Variants in PARD3 observed in about 807,000 individuals in gnomAD.
The protein encoded by PARD3 is partitioning defective 3 homolog.
Under a neutral mutation model 155.4 loss-of-function variants are expected in PARD3, and 75 were observed. The ratio of observed to expected loss-of-function variants is 0.48; its 90% CI spans 0.40 to 0.58. PARD3 has a LOEUF of 0.58. Ranked by LOEUF, PARD3 falls within the 20% of genes least tolerant of loss-of-function variation. The pLI is 0.00. For missense variants in PARD3, 1,642 were observed against 1,721.7 expected (o/e 0.95, Z 0.82); for synonymous variants, 576 against 610.5 (o/e 0.94, Z 0.83).
chr10:34,216,902 C>A (rs1952027556), intron 22 of PARD3, among the ~76,000 whole-genome samples: 1 of 152,204 alleles, frequency 6.6e-6, no homozygotes, highest in South Asian at 2.1e-4. Context: ...TTAGCAAATG[C>A]CATCTTTAAA....
intron 22 of PARD3, among the ~76,000 whole-genome samples, chr10:34,133,596 A>G (rs1211547153): frequency 6.6e-6 from 1 of 152,146 alleles, no homozygotes; most frequent in East Asian, 1.9e-4. Context: ...TGCCCTGGTT[A>G]CTCAGTGTGT....
chr10:34,239,337 C>G (rs1028327667), intron 22 of PARD3, among the ~76,000 whole-genome samples: 13 of 152,174 alleles, frequency 8.5e-5, no homozygotes, highest in Non-Finnish European at 1.3e-4. Flanking sequence ...TCTGAAACAG[C>G]CTGGTGGACA....
At chr10:34,522,705 ATATGG>A (rs2133706229) in intron 2 of PARD3, among the ~76,000 whole-genome samples, 1 of 152,322 alleles carries the variant, frequency 6.6e-6, no homozygotes, top group South Asian at 2.1e-4. Flanking sequence ...TTCAACATAG[ATATGG>A]CACAAAATGA....
At chr10:34,441,066 A>C (rs2076436985) in intron 5 of PARD3, among the ~76,000 whole-genome samples, 1 of 152,224 alleles carries the variant, frequency 6.6e-6, no homozygotes, top group Non-Finnish European at 1.5e-5. Flanking sequence ...AATTCTGAGA[A>C]GATGCCACGG....
intron 21 of PARD3, among the ~76,000 whole-genome samples, chr10:34,274,057 A>G (rs573939621): frequency 1.6e-4 from 25 of 152,160 alleles, no homozygotes; most frequent in Non-Finnish European, 3.5e-4. Context: ...ATGTTCCCCA[A>G]AACTCTCTAG....
chr10:34,302,119 G>A (rs991050694), intron 20 of PARD3, among the ~76,000 whole-genome samples: 2 of 152,024 alleles, frequency 1.3e-5, no homozygotes, highest in Admixed American at 1.3e-4. Context: ...ATTTATGAGA[G>A]GCCACCTGCC....
In PARD3 at chr10:34,696,566, A is replaced by G. The variant is rs1228208694; in HGVS notation, c.121-147T>C. 4 of 625,062 alleles carry G rather than the reference A, an allele frequency of 6.4e-6. No individual in the cohort carries two copies. In the African/African-American group the frequency reaches 7.4e-5, roughly 12 times the overall value. The allele number at this position is 625,062 out of a possible 1,614,324, so 38.7% of individuals were successfully genotyped here. On this transcript the variant is annotated intron_variant, in intron 1 of 24. Coordinates refer to ENST00000374788, the MANE Select transcript of PARD3 (RefSeq NM_001184785.2). ...GCAACTGATTAAAAATTCAGACAGC[A>G]CCCTAAGTTTGGTATTGAGTCACTG...
intron 2 of PARD3, among the ~76,000 whole-genome samples, chr10:34,539,837 C>G (rs80254764): frequency 0.022 from 3,321 of 152,296 alleles, 59 homozygotes; most frequent in Middle Eastern, 0.037. Flanking sequence ...TAGGCCAGGG[C>G]GGGAGTGTGT....
intron 22 of PARD3, among the ~76,000 whole-genome samples, chr10:34,175,504 T>A: frequency 6.6e-6 from 1 of 152,230 alleles, no homozygotes; most frequent in East Asian, 1.9e-4. Flanking sequence ...ACATTTAAAT[T>A]GTCTACATGA....
chr10:34,117,519 G>GTCTAA (rs2132662316), intron 24 of PARD3, among the ~76,000 whole-genome samples: 1 of 152,316 alleles, frequency 6.6e-6, no homozygotes, highest in African/African-American at 2.4e-5. Flanking sequence ...AATTCTTCAA[G>GTCTAA]TGCTTAGGCA....
In PARD3 at chr10:34,383,390, TAC is replaced by T. The variant is rs3040371; in HGVS notation, c.1017-470_1017-469del. On this transcript the variant is annotated intron_variant, in intron 8 of 24. Transcript: ENST00000374788. The stretch of plus-strand genomic sequence containing the variant: ...AGATGTGTATTTAAAATTTTTAAAA[TAC>T]ACACACACACACACACACACTTAGA... 3.6e-3 allele frequency among the ~76,000 whole-genome samples: 541 copies of T among 150,182 alleles called. 4 individuals carry two copies. Among genetic ancestry groups the T allele is most frequent in the Non-Finnish European group, 4.5e-3 (301 of 67,390 alleles).
intron 1 of PARD3, among the ~76,000 whole-genome samples, chr10:34,718,297 G>A (rs777376732): frequency 1.6e-4 from 24 of 152,156 alleles, no homozygotes; most frequent in African/African-American, 2.9e-4. Context: ...GACAAAGAAC[G>A]CTTCATGAAG....
chr10:34,794,175 C>G (rs2134269494), intron 1 of PARD3, among the ~76,000 whole-genome samples: 1 of 152,278 alleles, frequency 6.6e-6, no homozygotes, highest in South Asian at 2.1e-4. Context: ...CTTGCAGTGT[C>G]ACCCTCAGTC....
chr10:34,245,677 C>T (rs1010576361), intron 22 of PARD3, among the ~76,000 whole-genome samples: 4 of 152,078 alleles, frequency 2.6e-5, no homozygotes, highest in South Asian at 4.2e-4. Context: ...AATAACACTC[C>T]GGAACTAGGT....
chr10:34,723,638 A>G (rs945719231), intron 1 of PARD3, among the ~76,000 whole-genome samples: 5 of 152,246 alleles, frequency 3.3e-5, no homozygotes, highest in African/African-American at 1.2e-4. Flanking sequence ...TCTCAGCTTT[A>G]TGATGTCAGA....
At chr10:34,540,352 C>CA (rs1180363579) in intron 2 of PARD3, among the ~76,000 whole-genome samples, 2 of 151,058 alleles carry the variant, frequency 1.3e-5, no homozygotes, top group Non-Finnish European at 2.9e-5. Flanking sequence ...AAATGCCAAA[C>CA]ATAGTATCTG....
intron 1 of PARD3, among the ~76,000 whole-genome samples, chr10:34,742,219 C>G (rs1375961180): frequency 2.6e-5 from 4 of 152,138 alleles, no homozygotes; most frequent in Non-Finnish European, 4.4e-5. Context: ...AAACTACAAA[C>G]AATCACAGAG....
intron 22 of PARD3, among the ~76,000 whole-genome samples, chr10:34,204,488 C>T (rs1195922406): frequency 2.6e-5 from 4 of 152,274 alleles, no homozygotes; most frequent in South Asian, 2.1e-4. Context: ...CTCCCCTTAA[C>T]GACCTCCACC....
chr10:34,510,360 CT>C (rs1280052994), intron 3 of PARD3, among the ~76,000 whole-genome samples: 2 of 152,178 alleles, frequency 1.3e-5, no homozygotes, highest in Admixed American at 1.3e-4. Context: ...TAGCTGCCCC[CT>C]AACTACAGCA....
Sources: gnomAD v4.1 joint callset for allele counts (sites outside exome capture counted in the v4.1 genomes callset) on GRCh38, gnomAD v4.1.1 for gene constraint, MANE v1.5 for transcripts, NCBI Gene and HGNC (gene_info 2026-07-23, HGNC 2026-07-21) for gene names.